Variants in AHCTF1 observed in about 807,000 individuals in gnomAD.
AHCTF1 encodes the protein protein ELYS.
Under a neutral mutation model 248.4 loss-of-function variants are expected in AHCTF1, and 24 were observed. That is an observed-to-expected ratio of 0.10 (90% CI 0.07 to 0.14). The LOEUF is 0.14. Ranked by LOEUF, AHCTF1 falls within the 10% of genes least tolerant of loss-of-function variation. The pLI, the probability that AHCTF1 is intolerant of heterozygous loss-of-function variation, is 1.00. For synonymous variants in AHCTF1, 786 were observed against 929.8 expected, an observed-to-expected ratio of 0.85 and a Z score of 2.81; for missense variants, 2,206 against 2,636.2, an observed-to-expected ratio of 0.84 and a Z score of 3.57.
chr1:246,861,863 G>A, intron 28 of AHCTF1, 96 bp downstream of exon 28: 1 of 983,140 alleles, frequency 1.0e-6, no homozygotes, highest in African/African-American at 1.7e-5. Flanking sequence ...AATCTATAGT[G>A]GTATTTAAAA....
rs1664884555 is a variant in AHCTF1, at chr1:246,900,066, A to C, written c.1431T>G (p.Phe477Leu). The change falls in exon 10 of 36, where the codon TTT becomes TTG. Residue 477 changes from phenylalanine to leucine, a missense_variant and splice_region_variant. Phe to Leu is a conservative substitution (Grantham distance 22). Coordinates refer to ENST00000648844, the MANE Select transcript of AHCTF1 (RefSeq NM_001323342.2). ...AGGTAATGTTAAGGAAATACATACC[A>C]AAATTATAAGTGCTTGGATTAAAAA... ...EQFFNPSTYN[F>L]DATCLLNSGV... The C allele has an allele frequency of 1.2e-6, 2 of 1,602,194 alleles. No individual in the cohort carries two copies. The highest frequency in any genetic ancestry group is 1.8e-5 in the Admixed American group (1 of 56,726).
intron 24 of AHCTF1, among the ~76,000 whole-genome samples, chr1:246,872,051 C>CAAAAA (rs753977798): frequency 6.8e-4 from 57 of 83,714 alleles, no homozygotes; most frequent in African/African-American, 2.1e-3. Flanking sequence ...CTATTAATGA[C>CAAAAA]AAAAAAAAAA....
At chr1:246,882,083 C>T (rs528831515) in intron 21 of AHCTF1, among the ~76,000 whole-genome samples, 30 of 151,292 alleles carry the variant, frequency 2.0e-4, no homozygotes, top group African/African-American at 6.5e-4. Flanking sequence ...CTGCAAGCTC[C>T]GCCTCCTGGG....
At chr1:246,894,788 A>T in intron 13 of AHCTF1, 40 bp from the exon 14 acceptor site, 1 of 1,537,254 alleles carries the variant, frequency 6.5e-7, no homozygotes, top group South Asian at 1.1e-5. Context: ...AAAGATTATT[A>T]ATTACAAACA....
At chr1:246,842,327 A>T (rs1659931355) in intron 35 of AHCTF1, among the ~76,000 whole-genome samples, 1 of 152,162 alleles carries the variant, frequency 6.6e-6, no homozygotes, top group African/African-American at 2.4e-5. Context: ...CACACCTGTC[A>T]TCCAAGCACT....
chr1:246,873,638 G>A (rs1157150483), intron 24 of AHCTF1, among the ~76,000 whole-genome samples: 1 of 152,024 alleles, frequency 6.6e-6, no homozygotes, highest in Non-Finnish European at 1.5e-5. Context: ...AAATATACTA[G>A]AGACAATACA....
rs964825135 is a variant in AHCTF1, at chr1:246,839,144, C to G, written c.*1662G>C. On this transcript the variant is annotated 3_prime_UTR_variant, in exon 36 of 36. Transcript: ENST00000648844. Reference sequence around the variant, plus strand: ...TTCAAGCTATATAAAGACATTTATACGTAAGTACATACATTCATTTAAAAT... The same window carrying G: ...TTCAAGCTATATAAAGACATTTATAGGTAAGTACATACATTCATTTAAAAT... 3 of 152,130 alleles carry G rather than the reference C, an allele frequency of 2.0e-5. No homozygotes were observed. The highest frequency in any genetic ancestry group is 4.8e-5 in the African/African-American group (2 of 41,492). The allele number at this position is 152,130 out of a possible 1,614,324, so 9.4% of individuals were successfully genotyped here. A position where few individuals can be genotyped will look rare whatever the true frequency, so the allele number is the denominator to read the frequency against.
chr1:246,920,868 C>T (rs1390681074), intron 1 of AHCTF1, among the ~76,000 whole-genome samples: 3 of 152,004 alleles, frequency 2.0e-5, no homozygotes, highest in Non-Finnish European at 4.4e-5. Context: ...GGTGGATCAC[C>T]TGAGGTCTGG....
chr1:246,869,140 G>A (rs1662349177), intron 24 of AHCTF1, among the ~76,000 whole-genome samples: 1 of 151,762 alleles, frequency 6.6e-6, no homozygotes, highest in Admixed American at 6.6e-5. Flanking sequence ...ACCACGCCCG[G>A]CCGTGTGTTT....
chr1:246,903,476 G>A (rs1340999258), intron 7 of AHCTF1, among the ~76,000 whole-genome samples: 2 of 152,142 alleles, frequency 1.3e-5, no homozygotes, highest in African/African-American at 4.8e-5. Flanking sequence ...AGGTAAAACA[G>A]ATCTCTAATT....
chr1:246,862,372 T>C (rs996878324), intron 27 of AHCTF1, among the ~76,000 whole-genome samples: 2 of 151,498 alleles, frequency 1.3e-5, no homozygotes, highest in African/African-American at 2.4e-5. Context: ...CCCAGCTACT[T>C]GGGAGGCTGA....
Position 246,891,874 on chromosome 1 carries a change from G to C in AHCTF1, c.1850C>G (p.Thr617Ser), listed in dbSNP as rs754895393. ...ATAGCATTGCTGGATAGACTGTATAGTTTGTGGATCCATGAAATGACACGA... is the reference window on the plus strand; with the variant it reads ...ATAGCATTGCTGGATAGACTGTATACTTTGTGGATCCATGAAATGACACGA... ...DGSCHFMDPQ[T>S]IQSIQQCYLL... is the part of the protein sequence containing the mutation. Residue 617 changes from threonine to serine, a missense_variant, in exon 15 of 36, where the codon ACT becomes AGT. Around this residue, in one of 6 missense-constraint regions of AHCTF1, gnomAD observed 650 missense variants for 870.8 expected, o/e 0.75. Transcript: ENST00000648844. 6.3e-7 allele frequency: 1 copy of C among 1,597,462 alleles called. No homozygotes were observed. The highest frequency in any genetic ancestry group is 2.3e-5 in the East Asian group (1 of 43,974).
intron 30 of AHCTF1, among the ~76,000 whole-genome samples, chr1:246,856,896 G>T (rs577390789): frequency 1.3e-5 from 2 of 152,296 alleles, no homozygotes; most frequent in East Asian, 3.9e-4. Context: ...TTATAATGTT[G>T]TAAGTTATAT....
chr1:246,870,123 G>A (rs1334047524), intron 24 of AHCTF1, among the ~76,000 whole-genome samples: 1 of 152,156 alleles, frequency 6.6e-6, no homozygotes, highest in Non-Finnish European at 1.5e-5. Flanking sequence ...GCAGATATGG[G>A]GGAAAGAGCA....
At position 246,898,285 on chromosome 1, in the gene AHCTF1, C is replaced by G; in HGVS notation, c.1546G>C (p.Asp516His). 6.2e-7 allele frequency: 1 copy of G among 1,613,112 alleles called. No individual in the cohort carries two copies. Among genetic ancestry groups the G allele is most frequent in the Non-Finnish European group, 8.5e-7 (1 of 1,179,962 alleles). Residue 516 changes from aspartate (D) to histidine (H), a missense_variant, in exon 12 of 36, where the codon GAT becomes CAT. This residue lies in a region of AHCTF1 where 650 missense variants were observed against 870.8 expected (regional missense o/e 0.75). Transcript: ENST00000648844. ...SGPSLNELIP[D>H]GYNRCLVAGL... ...GCTACAAGACATCGATTATAACCAT[C>G]AGGAATGAGTTCATTGAGTGATGGA...
intron 33 of AHCTF1, among the ~76,000 whole-genome samples, chr1:246,849,339 CTT>C (rs1402242117): frequency 1.3e-5 from 2 of 152,158 alleles, no homozygotes; most frequent in African/African-American, 4.8e-5. Flanking sequence ...TTAAAAGTCA[CTT>C]ATAATTTATA....
At chr1:246,852,203 CA>C (rs1660758965) in intron 32 of AHCTF1, among the ~76,000 whole-genome samples, 1 of 152,124 alleles carries the variant, frequency 6.6e-6, no homozygotes, top group African/African-American at 2.4e-5. Context: ...TTAGGATTCC[CA>C]CTTACACCAT....
At chr1:246,911,039 C>T (rs1665763361) in intron 4 of AHCTF1, among the ~76,000 whole-genome samples, 1 of 151,994 alleles carries the variant, frequency 6.6e-6, no homozygotes, top group Non-Finnish European at 1.5e-5. Context: ...TGCATTAAAC[C>T]CTAAAGCTTA....
intron 1 of AHCTF1, among the ~76,000 whole-genome samples, chr1:246,929,850 A>G (rs745870521): frequency 4.5e-4 from 68 of 152,310 alleles, no homozygotes; most frequent in Non-Finnish European, 4.6e-4. Context: ...TCAGAAGTTC[A>G]AGACCAGCCT....
Sources: gnomAD v4.1 joint callset for allele counts (sites outside exome capture counted in the v4.1 genomes callset) on GRCh38, gnomAD v4.1.1 for gene constraint, gnomAD v4.1.1 regional missense constraint, MANE v1.5 for transcripts, NCBI Gene and HGNC (gene_info 2026-07-23, HGNC 2026-07-21) for gene names.